The following TLCD4 variants were observed in gnomAD, a reference collection of about 807,000 sequenced individuals.
TLCD4 encodes TLC domain-containing protein 4.
Under a neutral mutation model 24.2 loss-of-function variants are expected in TLCD4, and 7 were observed. The ratio of observed to expected loss-of-function variants is 0.29; its 90% CI spans 0.16 to 0.54. TLCD4 has a LOEUF of 0.54. Among genes scored for constraint, TLCD4 ranks in the 20% least tolerant of loss-of-function variants. The pLI, the probability that TLCD4 is intolerant of heterozygous loss-of-function variation, is 0.95. For synonymous variants in TLCD4, 103 were observed against 106.4 expected, an observed-to-expected ratio of 0.97 and a Z score of 0.20; for missense variants, 259 against 313.9, an observed-to-expected ratio of 0.82 and a Z score of 1.32.
chr1:95,172,704 A>G (rs953551118), intron 5 of TLCD4, among the ~76,000 whole-genome samples: 2 of 152,390 alleles, frequency 1.3e-5, no homozygotes, highest in Non-Finnish European at 1.5e-5. Context: ...ACGAATAAAT[A>G]CTAAAAATCA....
At chr1:95,137,122 G>A (rs1041098025) in intron 1 of TLCD4, among the ~76,000 whole-genome samples, 8 of 152,124 alleles carry the variant, frequency 5.3e-5, no homozygotes, top group Non-Finnish European at 1.2e-4. Flanking sequence ...GTTGGGGGGA[G>A]GTAGTAAACA....
rs1202836833 is a variant in TLCD4 at position 95,144,844 on chromosome 1, C to A, written c.155+788C>A. The stretch of plus-strand genomic sequence containing the variant: ...TAGCTGGGATTACAGGCATGCGCCA[C>A]CATGCCAAGCTAATTTTTGTGTTTT... On this transcript the variant is annotated intron_variant, in intron 2 of 6. Coordinates refer to ENST00000370203, the MANE Select transcript of TLCD4 (RefSeq NM_152487.3). Among the ~76,000 whole-genome samples, 5 of 152,062 alleles carry A rather than the reference C, an allele frequency of 3.3e-5. No homozygotes were observed. The East Asian group carries it at 9.7e-4, about 29-fold the overall frequency.
At chr1:95,151,999 A>C (rs1377871986) in intron 5 of TLCD4, among the ~76,000 whole-genome samples, 1 of 152,094 alleles carries the variant, frequency 6.6e-6, no homozygotes, top group Non-Finnish European at 1.5e-5. Context: ...TATGTTTGTT[A>C]GGTTTCTCTA....
chr1:95,154,054 T>A (rs964888656), intron 5 of TLCD4, among the ~76,000 whole-genome samples: 2 of 152,148 alleles, frequency 1.3e-5, no homozygotes, highest in African/African-American at 4.8e-5. Flanking sequence ...CAGATAGATA[T>A]AAAAGTAGAT....
intron 6 of TLCD4, among the ~76,000 whole-genome samples, chr1:95,181,606 T>TATTTATTTA (rs201564585): frequency 2.0e-5 from 3 of 146,732 alleles, no homozygotes; most frequent in Admixed American, 1.3e-4. Flanking sequence ...TTTATTTATT[T>TATTTATTTA]TTTTTTTTGA....
intron 6 of TLCD4, among the ~76,000 whole-genome samples, chr1:95,179,819 A>T (rs1678568618): frequency 6.6e-6 from 1 of 152,134 alleles, no homozygotes; most frequent in African/African-American, 2.4e-5. Flanking sequence ...ATCTCACACC[A>T]GCTTGTCCAT....
intron 1 of TLCD4, among the ~76,000 whole-genome samples, chr1:95,124,273 A>C (rs1028653959): frequency 6.6e-6 from 1 of 152,232 alleles, no homozygotes; most frequent in African/African-American, 2.4e-5. Context: ...TTCTTTCCTT[A>C]CTAAAAGTTC....
At chr1:95,120,216 G>A (rs146850716) in intron 1 of TLCD4, 49 of 152,340 alleles carry the variant, frequency 3.2e-4, no homozygotes, top group African/African-American at 1.0e-3. Context: ...CATTAGGAAT[G>A]AGCTGTATTC....
chr1:95,172,245 T>C (rs1678255710), intron 5 of TLCD4, among the ~76,000 whole-genome samples: 1 of 152,198 alleles, frequency 6.6e-6, no homozygotes, highest in African/African-American at 2.4e-5. Flanking sequence ...TGTAAGCACC[T>C]AAGGAGACTG....
At chr1:95,103,588 G>T in the TLCD4 span, among the ~76,000 whole-genome samples, 1 of 152,122 alleles carries the variant, frequency 6.6e-6, no homozygotes, top group Non-Finnish European at 1.5e-5. Context: ...CTGTTGTAAT[G>T]GTACAAGCCA....
the TLCD4 span, among the ~76,000 whole-genome samples, chr1:95,111,905 G>A: frequency 2.0e-5 from 3 of 152,084 alleles, no homozygotes; most frequent in Admixed American, 6.6e-5. Context: ...TTGGTGAAGC[G>A]TTCTCATAAA....
chr1:95,175,554 A>C (rs1158716916), intron 6 of TLCD4, among the ~76,000 whole-genome samples: 1 of 152,158 alleles, frequency 6.6e-6, no homozygotes, highest in South Asian at 2.1e-4. Flanking sequence ...ATATTTCTAG[A>C]AGTGGGATTG....
intron 1 of TLCD4, among the ~76,000 whole-genome samples, chr1:95,126,660 C>T (rs867431447): frequency 1.3e-5 from 2 of 152,166 alleles, no homozygotes; most frequent in South Asian, 4.1e-4. Flanking sequence ...AGATGGCTTG[C>T]CAGCATGGCT....
At chr1:95,102,985 AT>A in the TLCD4 span, among the ~76,000 whole-genome samples, 10 of 149,472 alleles carry the variant, frequency 6.7e-5, no homozygotes, top group African/African-American at 1.5e-4. Context: ...TAAAAAAAAA[AT>A]TTTTTTTTTT....
chr1:95,095,630 C>T, the TLCD4 span, among the ~76,000 whole-genome samples: 3 of 152,146 alleles, frequency 2.0e-5, no homozygotes, highest in Non-Finnish European at 4.4e-5. Flanking sequence ...GTCTCCTGAC[C>T]TTGTGATCCA....
the TLCD4 span, among the ~76,000 whole-genome samples, chr1:95,096,423 C>T: frequency 3.3e-5 from 5 of 152,098 alleles, no homozygotes; most frequent in African/African-American, 1.2e-4. Flanking sequence ...TTTGCTGATC[C>T]CAGGGAGACT....
chr1:95,178,856 CAT>C (rs1193751008), intron 6 of TLCD4, among the ~76,000 whole-genome samples: 1 of 152,174 alleles, frequency 6.6e-6, no homozygotes, highest in Non-Finnish European at 1.5e-5. Context: ...GTTGAATCAA[CAT>C]GTGTAAAGTA....
At chr1:95,130,063 G>C (rs1264626056) in intron 1 of TLCD4, among the ~76,000 whole-genome samples, 2 of 152,152 alleles carry the variant, frequency 1.3e-5, no homozygotes, top group African/African-American at 2.4e-5. Context: ...AGTTAGCTGA[G>C]AGCTTTATAT....
intron 1 of TLCD4, among the ~76,000 whole-genome samples, chr1:95,134,207 A>T (rs1260372584): frequency 6.6e-6 from 1 of 152,100 alleles, no homozygotes; most frequent in Admixed American, 6.6e-5. Flanking sequence ...CGTCTAGGAG[A>T]TGCGAGCCAA....
Sources: allele counts gnomAD v4.1 joint callset (sites outside exome capture counted in the v4.1 genomes callset), GRCh38; gene constraint gnomAD v4.1.1; transcripts MANE v1.5; gene names NCBI Gene and HGNC (gene_info 2026-07-23, HGNC 2026-07-21).